The following FAS variants were observed in gnomAD, a reference collection of about 807,000 sequenced individuals.
FAS encodes the protein Fas cell surface death receptor, also known as tumor necrosis factor receptor superfamily member 6.
A neutral mutation model predicts 33.2 loss-of-function variants in FAS; 5 were observed. That is an observed-to-expected ratio of 0.15 (90% CI 0.08 to 0.32). The LOEUF is 0.32. FAS is among the 10% of genes least tolerant of loss of function. The pLI is 1.00. For missense variants in FAS, 339 were observed against 386.0 expected (o/e 0.88, Z 1.02); for synonymous variants, 131 against 130.7 (o/e 1.00, Z -0.01).
At chr10:88,976,319 A>G (rs1415391400) in intron 2 of FAS, among the ~76,000 whole-genome samples, 1 of 152,230 alleles carries the variant, frequency 6.6e-6, no homozygotes, top group Non-Finnish European at 1.5e-5. Context: ...GGGTTGGACA[A>G]GGTTGGTATA....
intron 1 of FAS, among the ~76,000 whole-genome samples, chr10:88,999,563 T>A (rs769654657): frequency 7.9e-5 from 12 of 152,230 alleles, no homozygotes; most frequent in Admixed American, 1.3e-4. Flanking sequence ...CTCCTAGAAC[T>A]TATATGTGTC....
intron 1 of FAS, among the ~76,000 whole-genome samples, chr10:88,966,669 G>C (rs916239345): frequency 6.6e-6 from 1 of 152,176 alleles, no homozygotes; most frequent in African/African-American, 2.4e-5. Flanking sequence ...CTGGCTGTCT[G>C]TGTTTGGGCA....
intron 1 of FAS, among the ~76,000 whole-genome samples, chr10:89,002,376 A>G (rs1348420568): frequency 6.6e-6 from 1 of 152,112 alleles, no homozygotes; most frequent in Non-Finnish European, 1.5e-5. Context: ...GGCCCTTCTC[A>G]TAATACTGTC....
upstream of FAS, chr10:88,989,480 G>C (rs1485747394): frequency 1.8e-6 from 1 of 543,564 alleles, no homozygotes; most frequent in East Asian, 4.3e-5. Flanking sequence ...TGCTCAGAGT[G>C]TGTGCACAAG....
chr10:88,983,820 TGAATGA>T (rs1846789133), upstream of FAS, among the ~76,000 whole-genome samples: 1 of 152,118 alleles, frequency 6.6e-6, no homozygotes, highest in Non-Finnish European at 1.5e-5. Flanking sequence ...ATAAACCCAT[TGAATGA>T]CTTGGAAATT....
chr10:88,970,117 A>G (rs1846399039), intron 1 of FAS, among the ~76,000 whole-genome samples: 1 of 152,326 alleles, frequency 6.6e-6, no homozygotes, highest in East Asian at 1.9e-4. Context: ...AATCCCTTAT[A>G]CTTAATGTTA....
At chr10:88,976,795 A>T (rs1846574601) in intron 2 of FAS, among the ~76,000 whole-genome samples, 1 of 152,232 alleles carries the variant, frequency 6.6e-6, no homozygotes, top group Non-Finnish European at 1.5e-5. Context: ...AACCAAATGT[A>T]AAGGTCCAGG....
At chr10:88,969,730 T>A (rs1846390711) in intron 1 of FAS, among the ~76,000 whole-genome samples, 1 of 152,230 alleles carries the variant, frequency 6.6e-6, no homozygotes, top group Non-Finnish European at 1.5e-5. Flanking sequence ...TCCTTCATAG[T>A]ACTTACTGTA....
rs7916814 is a variant in FAS at position 89,000,268 on chromosome 10, A to T, written c.31-2761A>T. ...TTTATATAAAGAATTCAATGTTGAT[A>T]ATTCAAAGGTTTAGAATTTTTTCCA... On this transcript the variant is annotated intron_variant, in intron 1 of 8. Coordinates refer to ENST00000652046, the MANE Select transcript of FAS (RefSeq NM_000043.6). Among the ~76,000 whole-genome samples, 821 of 152,318 alleles carry T rather than the reference A, an allele frequency of 5.4e-3. 9 individuals are homozygous for T. Among genetic ancestry groups the T allele is most frequent in the African/African-American group, 0.018 (768 of 41,566 alleles).
chr10:89,014,048 A>G, intron 8 of FAS, 71 bp from the exon 9 acceptor site: 1 of 1,486,714 alleles, frequency 6.7e-7, no homozygotes. Flanking sequence ...AAAAAGAGAA[A>G]TAAACATGGT....
At position 88,992,035 on chromosome 10, in the gene FAS, T is replaced by A. The variant is rs147036839; in HGVS notation, c.30+1129T>A. On this transcript the variant is annotated intron_variant, in intron 1 of 8. Transcript: ENST00000652046. The stretch of plus-strand genomic sequence containing the variant: ...TGGGGAAGATAACCACATCCCCATT[T>A]TACAGATGGCGAAATGAGGTTCAGA... 1.2e-3 allele frequency among the ~76,000 whole-genome samples: 181 copies of A among 152,280 alleles called. 4 individuals are homozygous for A. In the East Asian group the frequency reaches 0.03, roughly 25 times the overall value.
intron 3 of FAS, among the ~76,000 whole-genome samples, chr10:89,008,399 G>A (rs1423406595): frequency 6.6e-6 from 1 of 152,162 alleles, no homozygotes; most frequent in Admixed American, 6.5e-5. Context: ...TCCCTATTCA[G>A]CCTATAAAGC....
intron 1 of FAS, among the ~76,000 whole-genome samples, chr10:88,994,411 T>G (rs955889795): frequency 2.0e-5 from 3 of 152,204 alleles, no homozygotes; most frequent in Admixed American, 2.0e-4. Flanking sequence ...TATTTACTTA[T>G]GATGAAAAAT....
At chr10:89,003,576 T>A (rs1183200208) in intron 2 of FAS, among the ~76,000 whole-genome samples, 1 of 152,244 alleles carries the variant, frequency 6.6e-6, no homozygotes, top group Non-Finnish European at 1.5e-5. Flanking sequence ...TTAAGGGATA[T>A]GTCTCAGCAC....
intron 1 of FAS, among the ~76,000 whole-genome samples, chr10:88,996,110 A>T (rs1229028717): frequency 3.9e-5 from 6 of 152,228 alleles, no homozygotes; most frequent in Non-Finnish European, 8.8e-5. Flanking sequence ...AATATAAGAT[A>T]TGAGAAATGT....
intron 1 of FAS, among the ~76,000 whole-genome samples, chr10:89,001,862 C>G (rs1847947730): frequency 1.3e-5 from 2 of 152,164 alleles, no homozygotes; most frequent in African/African-American, 4.8e-5. Context: ...ATTCCATTTC[C>G]TCACCCCTGC....
upstream of FAS, among the ~76,000 whole-genome samples, chr10:88,985,214 A>G (rs538056963): frequency 6.5e-4 from 99 of 152,340 alleles, no homozygotes; most frequent in Non-Finnish European, 4.4e-4. Flanking sequence ...GGGGTTAAAT[A>G]TTATGCACAG....
rs1847149091 is a variant in FAS at position 88,990,974 on chromosome 10, G to A, written c.30+68G>A. 1.2e-6 allele frequency: 2 copies of A among 1,607,898 alleles called. No homozygotes were observed. Among genetic ancestry groups the A allele is most frequent in the Non-Finnish European group, 8.5e-7 (1 of 1,174,830 alleles). The stretch of plus-strand genomic sequence containing the variant: ...TCCCGGGGATAGGCAAAGTGGGGCG[G>A]GCGCGGGACGCGTGCGGGATTGCGG... On this transcript the variant is annotated intron_variant, in intron 1 of 8. Coordinates refer to ENST00000652046, the MANE Select transcript of FAS (RefSeq NM_000043.6). This position sits in a 1 kb window ranked among gnomAD's most constrained non-coding sequence, Gnocchi z 4.9.
At chr10:88,968,792 T>G (rs1846368789) in intron 1 of FAS, among the ~76,000 whole-genome samples, 1 of 152,210 alleles carries the variant, frequency 6.6e-6, no homozygotes. Flanking sequence ...TCTTTTCTAG[T>G]ACCATAATGT....
Sources: gnomAD v4.1 joint callset for allele counts (sites outside exome capture counted in the v4.1 genomes callset) on GRCh38, gnomAD v4.1.1 for gene constraint, Gnocchi (gnomAD v3.1) non-coding constraint, MANE v1.5 for transcripts, NCBI Gene and HGNC (gene_info 2026-07-23, HGNC 2026-07-21) for gene names.